CLVS1: variants seen among roughly 807,000 people sequenced by gnomAD.
CLVS1 encodes clavesin 1, also known as clavesin-1.
A neutral mutation model predicts 33.1 loss-of-function variants in CLVS1; 10 were observed. The ratio of observed to expected loss-of-function variants is 0.30; its 90% confidence interval spans 0.19 to 0.51. The LOEUF (loss-of-function observed/expected upper bound fraction) is 0.51. Ranked by LOEUF, CLVS1 falls within the 20% of genes least tolerant of loss-of-function variation. The pLI, the probability that CLVS1 is intolerant of heterozygous loss-of-function variation, is 0.97. For synonymous variants in CLVS1, 163 were observed against 166.1 expected, an observed-to-expected ratio of 0.98 and a Z score of 0.14; for missense variants, 343 against 433.4, an observed-to-expected ratio of 0.79 and a Z score of 1.85.
chr8:61,465,412 C>G (rs1817512482), intron 5 of CLVS1: 1 of 152,152 alleles, frequency 6.6e-6, no homozygotes, highest in South Asian at 2.1e-4. Context: ...TCCCGGAACT[C>G]TCAGTGAATG....
In CLVS1 at chr8:61,474,806, A is replaced by G. The variant is rs544149384; in HGVS notation, c.977+16264A>G. ...TGAAGCAGGGCAAGTCTTTTTTTTT[A>G]TATATATACTTTAAGTTTTATTGTA... is the stretch of plus-strand genomic sequence containing the variant. On this transcript the variant is annotated intron_variant, in intron 5 of 5. Coordinates refer to ENST00000325897, the MANE Select transcript of CLVS1 (RefSeq NM_173519.3). Among the ~76,000 whole-genome samples the G allele has an allele frequency of 6.6e-5, 10 of 151,940 alleles. No individual in the cohort carries two copies. The East Asian group carries it at 1.9e-3, about 29-fold the overall frequency.
intron 2 of CLVS1, among the ~76,000 whole-genome samples, chr8:61,247,978 G>C (rs927093158): frequency 5.3e-5 from 8 of 152,056 alleles, no homozygotes; most frequent in Non-Finnish European, 1.0e-4. Context: ...TAAGGAAGGG[G>C]GTCCAGTTTC....
intron 2 of CLVS1, among the ~76,000 whole-genome samples, chr8:61,153,051 C>T (rs1042926271): frequency 1.3e-5 from 2 of 151,946 alleles, no homozygotes; most frequent in Non-Finnish European, 2.9e-5. Flanking sequence ...ACCTGTAGTC[C>T]CAGCCACTCC....
intron 2 of CLVS1, among the ~76,000 whole-genome samples, chr8:61,357,900 G>A (rs1435556561): frequency 6.6e-6 from 1 of 152,112 alleles, no homozygotes. Flanking sequence ...AACAGATTCT[G>A]CTGTCTGACC....
At chr8:61,000,358 G>T in the CLVS1 span, among the ~76,000 whole-genome samples, 1 of 152,196 alleles carries the variant, frequency 6.6e-6, no homozygotes, top group Non-Finnish European at 1.5e-5. Flanking sequence ...TGGAATGATT[G>T]TAGTTGATTT....
At chr8:61,459,091 G>A (rs950994427) in intron 5 of CLVS1, among the ~76,000 whole-genome samples, 1 of 152,068 alleles carries the variant, frequency 6.6e-6, no homozygotes, top group Non-Finnish European at 1.5e-5. Context: ...CGAGGCTTGG[G>A]AAATGGCATA....
At chr8:61,173,578 A>G (rs1383344670) in intron 2 of CLVS1, among the ~76,000 whole-genome samples, 1 of 152,298 alleles carries the variant, frequency 6.6e-6, no homozygotes, top group East Asian at 1.9e-4. Flanking sequence ...GAATTTTAAC[A>G]TTTCCATCTT....
At chr8:61,186,004 A>T (rs1488767958) in intron 2 of CLVS1, among the ~76,000 whole-genome samples, 1 of 152,098 alleles carries the variant, frequency 6.6e-6, no homozygotes, top group Non-Finnish European at 1.5e-5. Flanking sequence ...TACGCCATGG[A>T]GATAAGGACA....
chr8:61,077,307 G>A (rs1804932197), intron 1 of CLVS1, among the ~76,000 whole-genome samples: 1 of 151,832 alleles, frequency 6.6e-6, no homozygotes, highest in Non-Finnish European at 1.5e-5. Context: ...TCCTGACCCC[G>A]TGATCCACCC....
chr8:61,419,119 C>A lies in CLVS1; in HGVS notation c.631-35022C>A, dbSNP rs546205358. 2.0e-5 allele frequency among the ~76,000 whole-genome samples: 3 copies of A among 152,262 alleles called. No individual in the cohort carries two copies. In the South Asian group the frequency reaches 6.2e-4, roughly 32 times the overall value. ...GCCACAAATAAAAATCATTTATTGG[C>A]TGGGCGTGGTGTCTCATGTCTGTAA... is the stretch of plus-strand genomic sequence containing the variant. On this transcript the variant is annotated intron_variant, in intron 3 of 5. Coordinates refer to ENST00000325897, the MANE Select transcript of CLVS1 (RefSeq NM_173519.3).
At chr8:61,288,867 C>A (rs917939924) in intron 1 of CLVS1, among the ~76,000 whole-genome samples, 1 of 152,116 alleles carries the variant, frequency 6.6e-6, no homozygotes, top group Non-Finnish European at 1.5e-5. Context: ...GTTTTTTCTT[C>A]TTTTTTCACT....
intron 3 of CLVS1, among the ~76,000 whole-genome samples, chr8:61,421,797 A>G (rs1585949485): frequency 6.6e-6 from 1 of 152,156 alleles, no homozygotes. Context: ...CAATGCTTGT[A>G]GTGAAATGTG....
chr8:61,457,587 C>T (rs963463113), intron 4 of CLVS1, among the ~76,000 whole-genome samples: 6 of 151,944 alleles, frequency 3.9e-5, no homozygotes, highest in East Asian at 1.9e-4. Flanking sequence ...AAATATCTCA[C>T]GATAACTTCT....
intron 1 of CLVS1, among the ~76,000 whole-genome samples, chr8:61,126,276 T>C (rs1247745449): frequency 6.6e-6 from 1 of 152,128 alleles, no homozygotes; most frequent in Admixed American, 6.5e-5. Flanking sequence ...CCATCTCCCA[T>C]ACCAGCCACA....
chr8:61,478,599 G>C (rs1818055111), intron 5 of CLVS1, among the ~76,000 whole-genome samples: 1 of 152,064 alleles, frequency 6.6e-6, no homozygotes, highest in Non-Finnish European at 1.5e-5. Context: ...TTTGATCTTT[G>C]TTGGTTTAAA....
At chr8:61,219,316 A>G (rs1197250125) in intron 2 of CLVS1, among the ~76,000 whole-genome samples, 1 of 151,914 alleles carries the variant, frequency 6.6e-6, no homozygotes, top group Non-Finnish European at 1.5e-5. Flanking sequence ...CCCCACCAAC[A>G]GGCCTTGGTA....
intron 2 of CLVS1, among the ~76,000 whole-genome samples, chr8:61,214,187 C>G (rs1023055055): frequency 6.6e-6 from 1 of 152,152 alleles, no homozygotes; most frequent in South Asian, 2.1e-4. Flanking sequence ...TTAATTTCAC[C>G]TCGGTCCTGT....
intron 2 of CLVS1, chr8:61,203,254 A>G (rs935736097): frequency 5.1e-6 from 5 of 988,886 alleles, no homozygotes; most frequent in Non-Finnish European, 8.0e-6. Flanking sequence ...ATTTGTTAAA[A>G]ATTTTCCGTC....
chr8:61,264,591 C>G (rs73682204), intron 2 of CLVS1: 1 of 152,156 alleles, frequency 6.6e-6, no homozygotes, highest in East Asian at 1.9e-4. Flanking sequence ...GCTTACAGAC[C>G]GTAGTCAGAT....
Sources: allele counts gnomAD v4.1 joint callset (sites outside exome capture counted in the v4.1 genomes callset), GRCh38; gene constraint gnomAD v4.1.1; transcripts MANE v1.5; gene names NCBI Gene and HGNC (gene_info 2026-07-23, HGNC 2026-07-21).